The following CPNE4 variants were observed in gnomAD, a reference collection of about 807,000 sequenced individuals.
CPNE4 encodes the protein copine-4.
CPNE4 carries 25 observed loss-of-function variants against 67.9 expected under a neutral mutation model. That is an observed-to-expected ratio of 0.37 (90% CI 0.27 to 0.51). The LOEUF (loss-of-function observed/expected upper bound fraction) is 0.51. Among genes scored for constraint, CPNE4 ranks in the 20% least tolerant of loss-of-function variants. The pLI is 0.93. For synonymous variants in CPNE4, 242 were observed against 244.9 expected, an observed-to-expected ratio of 0.99 and a Z score of 0.11; for missense variants, 464 against 690.8, an observed-to-expected ratio of 0.67 and a Z score of 3.68.
intron 12 of CPNE4, among the ~76,000 whole-genome samples, chr3:131,553,418 T>G (rs1364956653): frequency 6.6e-6 from 1 of 152,102 alleles, no homozygotes; most frequent in Non-Finnish European, 1.5e-5. Flanking sequence ...CTTAAGTTTT[T>G]TCTTGGCCTC....
At chr3:131,671,020 T>A (rs2080397599) in intron 6 of CPNE4, among the ~76,000 whole-genome samples, 1 of 152,172 alleles carries the variant, frequency 6.6e-6, no homozygotes, top group African/African-American at 2.4e-5. Flanking sequence ...ACTACTGACC[T>A]CGGGTGATCC....
Position 131,622,534 on chromosome 3 carries a change from A to C in CPNE4, c.682-34952T>G, listed in dbSNP as rs146000003. ...GGTTGACAGTCAGTAGCTGAGAGAGACATACTGAAGCAGAGCAGGCATTCA... is the reference window on the plus strand; with the variant it reads ...GGTTGACAGTCAGTAGCTGAGAGAGCCATACTGAAGCAGAGCAGGCATTCA... On this transcript the variant is annotated intron_variant, in intron 7 of 15. Transcript: ENST00000429747. Among the ~76,000 whole-genome samples, 290 of 152,326 alleles carry C rather than the reference A, an allele frequency of 1.9e-3. 2 individuals are homozygous for C. The highest frequency in any genetic ancestry group is 1.4e-3 in the Non-Finnish European group (92 of 68,028).
At chr3:131,589,484 A>G (rs1025781153) in intron 7 of CPNE4, among the ~76,000 whole-genome samples, 2 of 152,160 alleles carry the variant, frequency 1.3e-5, no homozygotes, top group African/African-American at 4.8e-5. Context: ...GTGCCCACCC[A>G]TGTTGAGGGT....
intron 2 of CPNE4, among the ~76,000 whole-genome samples, chr3:131,740,442 T>C (rs915551409): frequency 1.3e-5 from 2 of 152,188 alleles, no homozygotes; most frequent in Non-Finnish European, 2.9e-5. Flanking sequence ...CTCCCTCCCA[T>C]GCCGTTCTTC....
At chr3:131,954,944 C>T (rs144174041) in intron 1 of CPNE4, among the ~76,000 whole-genome samples, 123 of 147,334 alleles carry the variant, frequency 8.3e-4, no homozygotes, top group African/African-American at 1.6e-3. Flanking sequence ...TGAACAGTGC[C>T]GCAATAAACA....
At chr3:131,913,379 C>A (rs74569712) in intron 1 of CPNE4, among the ~76,000 whole-genome samples, 22,130 of 152,164 alleles carry the variant, frequency 0.15, 2,141 homozygotes, top group East Asian at 0.34. Flanking sequence ...GGGCATTCCA[C>A]TGGTAAGGAA....
intron 7 of CPNE4, among the ~76,000 whole-genome samples, chr3:131,606,364 A>C (rs1939503283): frequency 6.6e-6 from 1 of 152,198 alleles, no homozygotes. Flanking sequence ...TGGAGAAATT[A>C]GCTACTCCTA....
At chr3:131,713,850 C>T (rs368783351) in intron 3 of CPNE4, among the ~76,000 whole-genome samples, 4 of 152,076 alleles carry the variant, frequency 2.6e-5, no homozygotes, top group African/African-American at 7.2e-5. Flanking sequence ...TCACCCACAA[C>T]CACCCTACTT....
chr3:131,860,813 G>T (rs568637536), intron 2 of CPNE4, among the ~76,000 whole-genome samples: 1 of 152,196 alleles, frequency 6.6e-6, no homozygotes, highest in Non-Finnish European at 1.5e-5. Flanking sequence ...CACAGTTTTA[G>T]TACACAGAAG....
At chr3:131,584,222 G>T (rs895959663) in intron 8 of CPNE4, among the ~76,000 whole-genome samples, 1 of 151,966 alleles carries the variant, frequency 6.6e-6, no homozygotes, top group African/African-American at 2.4e-5. Flanking sequence ...CTCTCCCTAG[G>T]TGTACTCATC....
intron 10 of CPNE4, among the ~76,000 whole-genome samples, chr3:131,564,593 C>T (rs1035660953): frequency 7.2e-5 from 11 of 152,010 alleles, no homozygotes; most frequent in African/African-American, 2.4e-5. Context: ...TTAATAGGAA[C>T]TTGAGATTGA....
chr3:131,905,413 C>A lies in CPNE4; in HGVS notation c.31G>T (p.Ala11Ser), dbSNP rs201950887. 14 of 1,613,102 alleles carry A rather than the reference C, an allele frequency of 8.7e-6. No homozygotes were observed. Among genetic ancestry groups the A allele is most frequent in the Non-Finnish European group, 1.1e-5 (13 of 1,179,548 alleles). Reference protein sequence around the residue: MKKMSNIYESAANTLGIFNSP... With the variant: MKKMSNIYESSANTLGIFNSP... ...TTAAAGATTCCCAGTGTGTTGGCAG[C>A]GGACTCATAAATGTTGCTCATCTTC... The change falls in exon 2 of 16, where the codon GCT becomes TCT. Residue 11 changes from alanine (A) to serine (S), a missense_variant. Transcript: ENST00000429747.
intron 7 of CPNE4, among the ~76,000 whole-genome samples, chr3:131,656,546 T>A (rs1201526027): frequency 6.6e-6 from 1 of 152,178 alleles, no homozygotes; most frequent in Non-Finnish European, 1.5e-5. Flanking sequence ...CATCCATCTA[T>A]CTATCAATCC....
chr3:131,781,662 G>T (rs1322577999), intron 2 of CPNE4, among the ~76,000 whole-genome samples: 4 of 152,058 alleles, frequency 2.6e-5, no homozygotes, highest in African/African-American at 7.2e-5. Context: ...AAACTCATTG[G>T]CTCAAAAATC....
At chr3:131,781,735 G>A (rs917062179) in intron 2 of CPNE4, among the ~76,000 whole-genome samples, 2 of 152,096 alleles carry the variant, frequency 1.3e-5, no homozygotes, top group South Asian at 2.1e-4. Context: ...AAACTTTGGG[G>A]TTTCTAATTT....
chr3:131,762,328 T>C (rs1424891230), intron 2 of CPNE4, among the ~76,000 whole-genome samples: 2 of 152,088 alleles, frequency 1.3e-5, no homozygotes, highest in African/African-American at 2.4e-5. Context: ...TAATAGCTAC[T>C]ATTTGCCAAG....
At chr3:131,591,410 C>A (rs1205780260) in intron 7 of CPNE4, among the ~76,000 whole-genome samples, 1 of 152,156 alleles carries the variant, frequency 6.6e-6, no homozygotes, top group Admixed American at 6.5e-5. Context: ...GGGGACAGGG[C>A]ACACATCCCA....
intron 1 of CPNE4, among the ~76,000 whole-genome samples, chr3:132,000,971 C>T (rs147686331): frequency 1.1e-3 from 171 of 151,856 alleles, no homozygotes; most frequent in African/African-American, 3.7e-3. Flanking sequence ...AACTAAGGCA[C>T]AGAAATGTTA....
chr3:132,028,306 T>A (rs1275458685), intron 1 of CPNE4, among the ~76,000 whole-genome samples: 1 of 152,146 alleles, frequency 6.6e-6, no homozygotes, highest in Admixed American at 6.5e-5. Context: ...AAACCAAATA[T>A]CTCCTTCTTT....
Sources: allele counts gnomAD v4.1 joint callset (sites outside exome capture counted in the v4.1 genomes callset), GRCh38; gene constraint gnomAD v4.1.1; transcripts MANE v1.5; gene names NCBI Gene and HGNC (gene_info 2026-07-23, HGNC 2026-07-21).